The following ZBTB20 variants were observed in gnomAD, a reference collection of about 807,000 sequenced individuals.
ZBTB20 encodes zinc finger and BTB domain-containing protein 20.
ZBTB20 carries 9 observed loss-of-function variants against 56.9 expected under a neutral mutation model. The ratio of observed to expected loss-of-function variants is 0.16; its 90% CI spans 0.10 to 0.28. The LOEUF is 0.28. Ranked by LOEUF, ZBTB20 falls within the 10% of genes least tolerant of loss-of-function variation. ZBTB20 has a pLI of 1.00. For synonymous variants in ZBTB20, 417 were observed against 420.7 expected (o/e 0.99, Z 0.11); for missense variants, 655 against 1,003.0 (o/e 0.65, Z 4.69).
intron 4 of ZBTB20, among the ~76,000 whole-genome samples, chr3:114,883,363 C>G (rs2076469644): frequency 6.6e-6 from 1 of 152,142 alleles, no homozygotes; most frequent in Admixed American, 6.5e-5. Context: ...TTAGTTCTGC[C>G]AAGGTGTTGA....
chr3:114,637,765 A>G (rs1440277026), intron 6 of ZBTB20, among the ~76,000 whole-genome samples: 1 of 152,146 alleles, frequency 6.6e-6, no homozygotes, highest in Non-Finnish European at 1.5e-5. Flanking sequence ...TACAGTGGCC[A>G]CTTAAATATA....
chr3:114,766,089 T>C (rs2068765912), intron 5 of ZBTB20, among the ~76,000 whole-genome samples: 1 of 152,158 alleles, frequency 6.6e-6, no homozygotes, highest in Non-Finnish European at 1.5e-5. Flanking sequence ...AGAAAACTAC[T>C]AATAAATGGG....
intron 3 of ZBTB20, among the ~76,000 whole-genome samples, chr3:114,959,928 T>A (rs904646771): frequency 3.3e-5 from 5 of 152,158 alleles, no homozygotes; most frequent in Non-Finnish European, 7.3e-5. Flanking sequence ...ACTAACTTGT[T>A]CTTAAAATGG....
At position 114,946,629 on chromosome 3, in the gene ZBTB20, C is replaced by T. The variant is rs950590223; in HGVS notation, c.-456+27737G>A. Among the ~76,000 whole-genome samples, 49 of 145,050 alleles carry T rather than the reference C, an allele frequency of 3.4e-4. 7 individuals are homozygous for T. Among genetic ancestry groups the T allele is most frequent in the African/African-American group, 1.3e-3 (47 of 35,428 alleles). On this transcript the variant is annotated intron_variant, in intron 3 of 11. Transcript: ENST00000675478. The stretch of plus-strand genomic sequence containing the variant: ...GAAAAAATTGATGAAACATATAAAT[C>T]CCCTGAAAAACACATATTACCAAAA...
chr3:115,047,040 T>A (rs951535726), intron 2 of ZBTB20, among the ~76,000 whole-genome samples: 11 of 152,218 alleles, frequency 7.2e-5, no homozygotes, highest in Admixed American at 6.5e-4. Flanking sequence ...TAATGCAGAA[T>A]CCAACAATTT....
intron 5 of ZBTB20, among the ~76,000 whole-genome samples, chr3:114,726,411 T>C (rs1283194239): frequency 6.6e-6 from 1 of 152,212 alleles, no homozygotes; most frequent in African/African-American, 2.4e-5. Context: ...ATTTTCTCAG[T>C]GGAATTCAAT....
chr3:115,003,522 G>A (rs1441922399), intron 2 of ZBTB20, among the ~76,000 whole-genome samples: 3 of 151,344 alleles, frequency 2.0e-5, no homozygotes, highest in Non-Finnish European at 3.0e-5. Context: ...TTTAAAACAG[G>A]AAACATAAAA....
chr3:114,493,756 A>T (rs768868047), intron 7 of ZBTB20, among the ~76,000 whole-genome samples: 2 of 152,224 alleles, frequency 1.3e-5, no homozygotes, highest in Non-Finnish European at 2.9e-5. Context: ...CTTAGAGCAC[A>T]TGGTACTTTT....
chr3:114,394,256 C>T (rs182322248), intron 7 of ZBTB20, among the ~76,000 whole-genome samples: 93 of 152,274 alleles, frequency 6.1e-4, no homozygotes, highest in African/African-American at 2.1e-3. Flanking sequence ...AATGGGCTTA[C>T]GTAACAGGTC....
chr3:115,092,983 C>A (rs1445543449), intron 1 of ZBTB20, among the ~76,000 whole-genome samples: 1 of 151,966 alleles, frequency 6.6e-6, no homozygotes, highest in East Asian at 1.9e-4. Flanking sequence ...GCAAGATTAT[C>A]TACATATATA....
chr3:114,778,420 G>A (rs1397849490), intron 5 of ZBTB20, among the ~76,000 whole-genome samples: 1 of 151,798 alleles, frequency 6.6e-6, no homozygotes, highest in African/African-American at 2.4e-5. Flanking sequence ...CAAAATTATT[G>A]TGACCAAACC....
intron 5 of ZBTB20, among the ~76,000 whole-genome samples, chr3:114,771,910 C>A (rs2069235564): frequency 6.6e-6 from 1 of 152,122 alleles, no homozygotes; most frequent in Admixed American, 6.5e-5. Flanking sequence ...ATCCTTAGCC[C>A]ATATTACCAA....
chr3:114,920,359 T>C (rs536345202), intron 3 of ZBTB20, among the ~76,000 whole-genome samples: 1 of 152,222 alleles, frequency 6.6e-6, no homozygotes, highest in South Asian at 2.1e-4. Flanking sequence ...AGTCTCCAAA[T>C]AGATCAGATG....
chr3:114,559,475 T>G (rs2718417), intron 6 of ZBTB20, among the ~76,000 whole-genome samples: 57,047 of 151,910 alleles, frequency 0.38, 11,361 homozygotes, highest in African/African-American at 0.49. Context: ...GTGAACCAGG[T>G]ATAATTAATC....
intron 1 of ZBTB20, among the ~76,000 whole-genome samples, chr3:115,143,149 T>C (rs2084865968): frequency 6.6e-6 from 1 of 152,176 alleles, no homozygotes; most frequent in Admixed American, 6.5e-5. Flanking sequence ...TTTCCTTCTA[T>C]TAGAAACCCA....
At chr3:114,684,095 A>C (rs2062167640) in intron 6 of ZBTB20, among the ~76,000 whole-genome samples, 1 of 152,196 alleles carries the variant, frequency 6.6e-6, no homozygotes, top group Non-Finnish European at 1.5e-5. Context: ...TACACTGTCC[A>C]GCTAAGAAAA....
intron 5 of ZBTB20, among the ~76,000 whole-genome samples, chr3:114,746,987 G>A (rs2067090706): frequency 6.6e-6 from 1 of 152,186 alleles, no homozygotes; most frequent in Admixed American, 6.5e-5. Flanking sequence ...AAGGAGTGGG[G>A]AGGGAATGGG....
intron 5 of ZBTB20, among the ~76,000 whole-genome samples, chr3:114,754,121 G>C (rs147173102): frequency 5.3e-4 from 80 of 152,236 alleles, no homozygotes; most frequent in South Asian, 2.3e-3. Context: ...AGAGTGCCAC[G>C]TGAGAGGTGC....
At position 114,380,502 on chromosome 3, in the gene ZBTB20, A is replaced by T. The variant is rs918994751; in HGVS notation, c.12-98T>A. The stretch of plus-strand genomic sequence containing the variant: ...AAGATAACTTGATTTTTTTTTTCTG[A>T]AGGGGGATGGGAGGGAGTCCAGTAT... On this transcript the variant is annotated intron_variant, in intron 9 of 11. Transcript: ENST00000675478. 12 of 1,385,270 alleles carry T rather than the reference A, an allele frequency of 8.7e-6. No individual in the cohort carries two copies. In the African/African-American group the frequency reaches 1.8e-4, roughly 20 times the overall value. The allele number at this position is 1,385,270 out of a possible 1,614,324, so 85.8% of individuals were successfully genotyped here. A position where few individuals can be genotyped will look rare whatever the true frequency, so the allele number is the denominator to read the frequency against.
Sources: allele counts gnomAD v4.1 joint callset (sites outside exome capture counted in the v4.1 genomes callset), GRCh38; gene constraint gnomAD v4.1.1; transcripts MANE v1.5; gene names NCBI Gene and HGNC (gene_info 2026-07-23, HGNC 2026-07-21).